FBXL13: variants seen among roughly 807,000 people sequenced by gnomAD.
FBXL13 encodes the protein F-box and leucine rich repeat protein 13.
A neutral mutation model predicts 83.6 loss-of-function variants in FBXL13; 67 were observed. The ratio of observed to expected loss-of-function variants is 0.80; its 90% CI spans 0.66 to 0.98. The LOEUF (loss-of-function observed/expected upper bound fraction) is 0.98, where lower values mean the gene tolerates loss of function less well. FBXL13 is among the 50% of genes least tolerant of loss of function. The probability of loss-of-function intolerance (pLI) is 0.00; values close to 1 mark genes in which losing one functional copy is unlikely to be tolerated. For missense variants in FBXL13, 822 were observed against 866.5 expected (o/e 0.95, Z 0.64); for synonymous variants, 272 against 299.5 (o/e 0.91, Z 0.95).
chr7:102,833,596 C>CT (rs1225188712), intron 17 of FBXL13, among the ~76,000 whole-genome samples: 2,542 of 138,176 alleles, frequency 0.018, 27 homozygotes, highest in Middle Eastern at 0.038. Context: ...CCGGCTAATT[C>CT]TTTTTTTTTT....
Position 102,878,319 on chromosome 7 carries a change from G to A in FBXL13, c.1508+12C>T. The A allele has an allele frequency of 6.3e-7, 1 of 1,587,436 alleles. No individual in the cohort carries two copies. Among genetic ancestry groups the A allele is most frequent in the Non-Finnish European group, 8.6e-7 (1 of 1,169,372 alleles). On this transcript the variant is annotated intron_variant, in intron 15 of 19. Coordinates refer to ENST00000313221, the Ensembl canonical transcript of FBXL13. ...TACTAATGATATGATGTAAAAGACT[G>A]TTTTATCATACCGCTCAGATAGTTT...
At chr7:102,959,705 T>C (rs1455473195) in intron 8 of FBXL13, among the ~76,000 whole-genome samples, 4 of 152,044 alleles carry the variant, frequency 2.6e-5, no homozygotes, top group Admixed American at 1.3e-4. Context: ...AGAAAACGCA[T>C]CTCAAAGGAT....
intron 6 of FBXL13, chr7:102,976,357 G>GC: frequency 1.7e-6 from 1 of 597,022 alleles, no homozygotes. Flanking sequence ...CAAACCCTGA[G>GC]CCCCCCGCTC....
intron 2 of FBXL13, among the ~76,000 whole-genome samples, chr7:103,048,298 CA>C (rs1286364372): frequency 4.6e-5 from 7 of 151,826 alleles, no homozygotes; most frequent in African/African-American, 7.2e-5. Flanking sequence ...CTCACTTAGC[CA>C]AAATGATGAC....
intron 16 of FBXL13, among the ~76,000 whole-genome samples, chr7:102,875,659 G>A (rs555969137): frequency 6.6e-6 from 1 of 152,270 alleles, no homozygotes; most frequent in Admixed American, 6.5e-5. Flanking sequence ...ATGCAAAACT[G>A]AGGAGATTTA....
chr7:103,068,469 G>C (rs913349384), intron 1 of FBXL13, among the ~76,000 whole-genome samples: 1 of 152,100 alleles, frequency 6.6e-6, no homozygotes, highest in Non-Finnish European at 1.5e-5. Flanking sequence ...AAGTCACCAT[G>C]GTCCAATGAC....
rs530744855 is a variant in FBXL13 at position 102,976,149 on chromosome 7, G to A, written c.496-8032C>T. 1.2e-5 allele frequency: 9 copies of A among 766,442 alleles called. No individual in the cohort carries two copies. In the South Asian group the frequency reaches 1.2e-4, roughly 10 times the overall value. The allele number at this position is 766,442 out of a possible 1,614,324, so 47.5% of individuals were successfully genotyped here. ...CTCGGATCTCGTCAGCCTTGCCGCT[G>A]AAGACTGATAGTGCCTTGGAACAGA... On this transcript the variant is annotated intron_variant, in intron 6 of 19. Coordinates refer to ENST00000313221, the Ensembl canonical transcript of FBXL13.
At chr7:103,027,320 C>A in intron 5 of FBXL13, 129 bp downstream of exon 6, 6 of 601,642 alleles carry the variant, frequency 1.0e-5, no homozygotes, top group South Asian at 5.4e-5. Context: ...TAAAAAAAAA[C>A]AAGAATCCCA....
intron 6 of FBXL13, among the ~76,000 whole-genome samples, chr7:103,004,942 A>G (rs549446866): frequency 6.6e-5 from 10 of 152,324 alleles, no homozygotes; most frequent in African/African-American, 2.4e-4. Context: ...CTTATGATAT[A>G]TTCACTTACT....
intron 6 of FBXL13, among the ~76,000 whole-genome samples, chr7:102,992,223 C>G (rs1225827901): frequency 1.3e-5 from 2 of 152,140 alleles, no homozygotes; most frequent in East Asian, 3.8e-4. Flanking sequence ...GCAGTGGTCC[C>G]TCACTGCCTA....
chr7:102,896,650 C>A (rs1812288362), intron 11 of FBXL13, among the ~76,000 whole-genome samples: 1 of 152,128 alleles, frequency 6.6e-6, no homozygotes, highest in African/African-American at 2.4e-5. Flanking sequence ...TCCCAGGCCC[C>A]TCTCCTTGGC....
chr7:102,901,469 T>G (rs1291337920), intron 11 of FBXL13, among the ~76,000 whole-genome samples: 6 of 152,182 alleles, frequency 3.9e-5, no homozygotes, highest in Non-Finnish European at 8.8e-5. Context: ...TGACTATAGT[T>G]ACCTTGTTAT....
intron 17 of FBXL13, among the ~76,000 whole-genome samples, chr7:102,852,960 T>G (rs1054522747): frequency 1.3e-5 from 2 of 151,948 alleles, no homozygotes; most frequent in African/African-American, 4.8e-5. Flanking sequence ...AATCAATGAG[T>G]AGATAAAGAA....
chr7:103,035,106 T>C (rs1310576104), intron 2 of FBXL13, among the ~76,000 whole-genome samples: 1 of 152,160 alleles, frequency 6.6e-6, no homozygotes, highest in South Asian at 2.1e-4. Flanking sequence ...CCAACCAGTG[T>C]GGTCTGAGTA....
chr7:103,044,631 G>A (rs1585531301), intron 2 of FBXL13, among the ~76,000 whole-genome samples: 1 of 152,216 alleles, frequency 6.6e-6, no homozygotes, highest in South Asian at 2.1e-4. Flanking sequence ...GTTAGATGAT[G>A]AGTGATCATT....
chr7:103,055,674 A>G (rs1487892238), exon 2 of FBXL13: 3 of 1,283,738 alleles, frequency 2.3e-6, no homozygotes, highest in Non-Finnish European at 3.0e-6. Context: ...ACTTTTGATT[A>G]TAACCATGAT....
Position 102,907,482 on chromosome 7 carries a change from C to A in FBXL13, c.1008+5604G>T, listed in dbSNP as rs553375776. Among the ~76,000 whole-genome samples, 153 of 151,842 alleles carry A rather than the reference C, an allele frequency of 1.0e-3. 3 individuals are homozygous for A. Among genetic ancestry groups the A allele is most frequent in the South Asian group, 9.2e-3 (44 of 4,784 alleles). ...TATCTCTCCCCCATTCCCGCCCCCC[C>A]ACAACAGGCCCCGGTGTGTGATGTT... is the stretch of plus-strand genomic sequence containing the variant. On this transcript the variant is annotated intron_variant, in intron 11 of 19. Coordinates refer to ENST00000313221, the Ensembl canonical transcript of FBXL13.
At chr7:102,922,765 G>C (rs1162755387) in intron 10 of FBXL13, among the ~76,000 whole-genome samples, 4 of 151,990 alleles carry the variant, frequency 2.6e-5, no homozygotes. Context: ...GAGGTCAGGA[G>C]ATCGAGACCA....
chr7:103,030,547 T>G (rs1388219889), intron 2 of FBXL13, among the ~76,000 whole-genome samples: 3 of 152,204 alleles, frequency 2.0e-5, no homozygotes, highest in Non-Finnish European at 4.4e-5. Flanking sequence ...TTTTCAGTAC[T>G]GTTGTAGGTC....
Sources: allele counts gnomAD v4.1 joint callset (sites outside exome capture counted in the v4.1 genomes callset), GRCh38; gene constraint gnomAD v4.1.1; transcripts MANE v1.5; gene names NCBI Gene and HGNC (gene_info 2026-07-23, HGNC 2026-07-21).